The following XNDC1N variants were observed in gnomAD, a reference collection of about 807,000 sequenced individuals.
The protein encoded by XNDC1N is protein XNDC1N.
At chr11:71,919,654 G>T in the XNDC1N span, among the ~76,000 whole-genome samples, 3 of 131,278 alleles carry the variant, frequency 2.3e-5, no homozygotes, top group Non-Finnish European at 4.6e-5. Flanking sequence ...GTCTCACTCC[G>T]TAGCCCAGGC....
the XNDC1N span, among the ~76,000 whole-genome samples, chr11:71,879,145 G>A: frequency 6.6e-6 from 1 of 152,214 alleles, no homozygotes; most frequent in African/African-American, 2.4e-5. Flanking sequence ...TAGAGGTGAA[G>A]AGGTGGATGC....
chr11:71,895,768 T>C, the XNDC1N span, among the ~76,000 whole-genome samples: 10 of 152,216 alleles, frequency 6.6e-5, no homozygotes, highest in Admixed American at 2.6e-4. Flanking sequence ...AAGTTTCACA[T>C]TCCGAGACAT....
the XNDC1N span, among the ~76,000 whole-genome samples, chr11:71,894,663 C>G: frequency 6.6e-6 from 1 of 152,170 alleles, no homozygotes; most frequent in African/African-American, 2.4e-5. Context: ...GAGCAATAAC[C>G]CTGTCATCCA....
chr11:71,910,673 T>A, the XNDC1N span, among the ~76,000 whole-genome samples: 1 of 152,164 alleles, frequency 6.6e-6, no homozygotes, highest in African/African-American at 2.4e-5. Flanking sequence ...AGCAGGTACG[T>A]TACCTGGGAT....
At chr11:71,915,664 A>G in the XNDC1N span, among the ~76,000 whole-genome samples, 3 of 151,488 alleles carry the variant, frequency 2.0e-5, no homozygotes, top group African/African-American at 2.4e-5. Flanking sequence ...ATGTAAAGAT[A>G]TAACTTTGTA....
At chr11:71,873,612 C>A in the XNDC1N span, among the ~76,000 whole-genome samples, 1 of 151,942 alleles carries the variant, frequency 6.6e-6, no homozygotes, top group Non-Finnish European at 1.5e-5. Context: ...AAGAATAATC[C>A]TTGCAATGGT....
chr11:71,923,321 T>A, the XNDC1N span: 4 of 702,906 alleles, frequency 5.7e-6, no homozygotes, highest in Non-Finnish European at 1.0e-5. Flanking sequence ...GAGAAGAAAA[T>A]GATACCACAT....
chr11:71,915,764 A>C, the XNDC1N span, among the ~76,000 whole-genome samples: 3 of 152,224 alleles, frequency 2.0e-5, no homozygotes, highest in Admixed American at 1.3e-4. Context: ...GTCACCCAAT[A>C]ACTTAGAAAT....
At chr11:71,884,211 A>T in the XNDC1N span, 1 of 522,862 alleles carries the variant, frequency 1.9e-6, no homozygotes, top group Non-Finnish European at 3.2e-6. Context: ...TGCCTCATTT[A>T]CTACTCTCTT....
At chr11:71,871,651 T>A in the XNDC1N span, among the ~76,000 whole-genome samples, 1 of 152,174 alleles carries the variant, frequency 6.6e-6, no homozygotes, top group Non-Finnish European at 1.5e-5. Flanking sequence ...ACAACTATAA[T>A]TTATCAATTT....
the XNDC1N span, among the ~76,000 whole-genome samples, chr11:71,901,170 T>C: frequency 6.6e-6 from 1 of 152,158 alleles, no homozygotes; most frequent in Non-Finnish European, 1.5e-5. Context: ...TGTTCCTGGC[T>C]TTCTGTACAG....
the XNDC1N span, among the ~76,000 whole-genome samples, chr11:71,915,434 C>T: frequency 0.026 from 3,812 of 148,538 alleles, 155 homozygotes; most frequent in African/African-American, 0.09. Context: ...GGCAACAGTG[C>T]GAGACTCTGT....
the XNDC1N span, among the ~76,000 whole-genome samples, chr11:71,910,043 G>A: frequency 6.6e-6 from 1 of 152,156 alleles, no homozygotes; most frequent in Admixed American, 6.5e-5. Context: ...GACGGGCCCA[G>A]CCGGTGAGGC....
At chr11:71,875,052 C>T in the XNDC1N span, among the ~76,000 whole-genome samples, 1 of 152,076 alleles carries the variant, frequency 6.6e-6, no homozygotes, top group Non-Finnish European at 1.5e-5. Flanking sequence ...AGTAGAGAAG[C>T]CCCCTGGGAC....
chr11:71,886,374 T>A, the XNDC1N span, among the ~76,000 whole-genome samples: 4,190 of 151,958 alleles, frequency 0.028, 44 homozygotes, highest in East Asian at 0.078. Context: ...ACCAGCTGAT[T>A]ATCAAAACCC....
the XNDC1N span, among the ~76,000 whole-genome samples, chr11:71,891,851 A>G: frequency 6.6e-6 from 1 of 151,852 alleles, no homozygotes; most frequent in Non-Finnish European, 1.5e-5. Flanking sequence ...TTACTCTTTC[A>G]CAGGCCATTT....
At chr11:71,892,059 A>T in the XNDC1N span, among the ~76,000 whole-genome samples, 3 of 151,210 alleles carry the variant, frequency 2.0e-5, no homozygotes, top group African/African-American at 7.3e-5. Context: ...GGGGTGTACA[A>T]CTTCTGTGAT....
the XNDC1N span, among the ~76,000 whole-genome samples, chr11:71,887,881 C>A: frequency 1.3e-5 from 2 of 152,330 alleles, no homozygotes; most frequent in Middle Eastern, 3.4e-3. Context: ...AAGATGCTTT[C>A]TTTCCTATCA....
the XNDC1N span, among the ~76,000 whole-genome samples, chr11:71,906,896 T>G: frequency 4.1e-4 from 63 of 151,836 alleles, no homozygotes; most frequent in East Asian, 0.011. Context: ...ATATGAGGAG[T>G]GATATCTTAT....
Sources: gnomAD v4.1 joint callset for allele counts (sites outside exome capture counted in the v4.1 genomes callset) on GRCh38, gnomAD v4.1.1 for gene constraint, MANE v1.5 for transcripts, NCBI Gene and HGNC (gene_info 2026-07-23, HGNC 2026-07-21) for gene names.